Variants in SECISBP2L observed in about 807,000 individuals in gnomAD.
The protein encoded by SECISBP2L is selenocysteine insertion sequence-binding protein 2-like.
In SECISBP2L, 43 loss-of-function variants were observed where a neutral mutation model predicts 114.7. The ratio of observed to expected loss-of-function variants is 0.38; its 90% CI spans 0.29 to 0.48. The LOEUF (loss-of-function observed/expected upper bound fraction) is 0.48. Among genes scored for constraint, SECISBP2L ranks in the 20% least tolerant of loss-of-function variants. The probability of loss-of-function intolerance (pLI) is 0.98; values close to 1 mark genes in which losing one functional copy is unlikely to be tolerated. For synonymous variants in SECISBP2L, 451 were observed against 439.7 expected (o/e 1.03, Z -0.32); for missense variants, 1,136 against 1,301.1 (o/e 0.87, Z 1.95).
intron 2 of SECISBP2L, 52 bp downstream of exon 2, chr15:49,037,539 C>T (rs1192022131): frequency 6.5e-6 from 10 of 1,529,632 alleles, no homozygotes; most frequent in Non-Finnish European, 8.9e-6. Context: ...GTGCACTTTG[C>T]CAGCTTTTAT....
intron 4 of SECISBP2L, among the ~76,000 whole-genome samples, chr15:49,029,073 C>CA: frequency 6.6e-6 from 1 of 152,280 alleles, no homozygotes; most frequent in South Asian, 2.1e-4. Flanking sequence ...AGGCTGGTCT[C>CA]AAACTCCTGA....
chr15:49,030,408 G>A (rs949401851), intron 4 of SECISBP2L, among the ~76,000 whole-genome samples: 3 of 152,180 alleles, frequency 2.0e-5, no homozygotes, highest in Non-Finnish European at 2.9e-5. Context: ...TGAGATGACT[G>A]CGTCCAAAGA....
At chr15:49,014,957 G>T (rs1026797950) in intron 11 of SECISBP2L, among the ~76,000 whole-genome samples, 1 of 151,556 alleles carries the variant, frequency 6.6e-6, no homozygotes, top group Non-Finnish European at 1.5e-5. Context: ...AATTGAAGTT[G>T]TAACAATAAG....
chr15:49,035,197 C>T, intron 3 of SECISBP2L, 137 bp downstream of exon 3: 1 of 701,890 alleles, frequency 1.4e-6, no homozygotes, highest in Non-Finnish European at 2.3e-6. Context: ...AATTACATAC[C>T]CTTTACCATT....
intron 7 of SECISBP2L, among the ~76,000 whole-genome samples, chr15:49,025,831 C>T (rs8026097): frequency 0.74 from 111,873 of 152,032 alleles, 41,554 homozygotes; most frequent in Middle Eastern, 0.78. Context: ...TATAAAGTTT[C>T]CTCAAAAACT....
chr15:49,036,035 C>T (rs1285059996), intron 2 of SECISBP2L, among the ~76,000 whole-genome samples: 1 of 152,184 alleles, frequency 6.6e-6, no homozygotes, highest in East Asian at 1.9e-4. Flanking sequence ...ACCGTGACAG[C>T]CTTCTGTAAA....
chr15:49,008,224 T>G (rs1902363452), intron 14 of SECISBP2L, among the ~76,000 whole-genome samples: 1 of 152,218 alleles, frequency 6.6e-6, no homozygotes. Flanking sequence ...GTGCCTGTTC[T>G]TCTTTAGTGC....
At chr15:49,041,029 T>G (rs1044877083) in intron 1 of SECISBP2L, among the ~76,000 whole-genome samples, 1 of 152,152 alleles carries the variant, frequency 6.6e-6, no homozygotes, top group South Asian at 2.1e-4. Context: ...CAGTTTGAAT[T>G]TCTGTGTTTA....
In SECISBP2L at chr15:49,046,382, C is replaced by A; in HGVS notation, c.-83G>T. 7.3e-7 allele frequency: 1 copy of A among 1,366,008 alleles called. No homozygotes were observed. Among genetic ancestry groups the A allele is most frequent in the Non-Finnish European group, 9.6e-7 (1 of 1,044,416 alleles). 84.6% of individuals were successfully genotyped at this position (1,366,008 alleles called of 1,614,324 possible). A position where few individuals can be genotyped will look rare whatever the true frequency, so the allele number is the denominator to read the frequency against. On this transcript the variant is annotated 5_prime_UTR_variant, in exon 1 of 18. Transcript: ENST00000559471. ...TTTCTCCATGGCCCCCCGCTCGGGT[C>A]CAGACTGGGTTCCGGACCTCCGCCC...
intron 14 of SECISBP2L, among the ~76,000 whole-genome samples, chr15:49,001,423 A>T (rs1902205918): frequency 6.6e-6 from 1 of 151,812 alleles, no homozygotes; most frequent in African/African-American, 2.4e-5. Flanking sequence ...TATCTGATAA[A>T]TTAACAAATA....
chr15:48,997,989 G>A (rs1902129288), intron 16 of SECISBP2L, among the ~76,000 whole-genome samples: 1 of 152,178 alleles, frequency 6.6e-6, no homozygotes, highest in Admixed American at 6.5e-5. Flanking sequence ...CAATCTATAT[G>A]ACTTTTAGTT....
At chr15:49,017,136 A>G in intron 9 of SECISBP2L, 121 bp from the exon 10 acceptor site, 1 of 954,302 alleles carries the variant, frequency 1.0e-6, no homozygotes, top group Non-Finnish European at 1.5e-6. Context: ...AAAGAATTCA[A>G]TGTCATAAAG....
rs375217888 is a variant in SECISBP2L, at chr15:48,992,870, C to T, written c.2680G>A (p.Glu894Lys). ...TSDGLEASEN[E>K]KEVSCKHSTS... is the part of the protein sequence containing the mutation. ...CTGTGCTTACAGGATACCTCTTTCT[C>T]ATTTTCTGATGCTTCCAGTCCATCT... Residue 894 changes from glutamate (E) to lysine (K), a missense_variant, in exon 18 of 18, where the codon GAG becomes AAG. Physicochemically the swap from Glu to Lys is moderately conservative, Grantham distance 56. Around this residue, in one of 2 missense-constraint regions of SECISBP2L, gnomAD observed 684 missense variants for 848.7 expected, o/e 0.81. Coordinates refer to ENST00000559471, the MANE Select transcript of SECISBP2L (RefSeq NM_001193489.2). 2 of 1,614,150 alleles carry T rather than the reference C, an allele frequency of 1.2e-6. No homozygotes were observed. The highest frequency in any genetic ancestry group is 8.5e-7 in the Non-Finnish European group (1 of 1,180,022).
chr15:49,035,731 C>T lies in SECISBP2L; in HGVS notation c.204-73G>A, dbSNP rs1595796294. On this transcript the variant is annotated intron_variant, in intron 2 of 17. Transcript: ENST00000559471. ...ATACCACTAAAGCAAAATCTCTTAA[C>T]TTACACTAATAAAAGACAAAACAGA... 8.9e-6 allele frequency: 12 copies of T among 1,352,342 alleles called. No homozygotes were observed. In the East Asian group the frequency reaches 2.8e-4, roughly 32 times the overall value. The allele number at this position is 1,352,342 out of a possible 1,614,324, so 83.8% of individuals were successfully genotyped here.
chr15:49,030,916 T>C (rs1342519960), intron 4 of SECISBP2L, among the ~76,000 whole-genome samples: 1 of 152,174 alleles, frequency 6.6e-6, no homozygotes, highest in Admixed American at 6.5e-5. Flanking sequence ...CAGGGATGTC[T>C]TGGGTCTTCT....
rs951523949 is a variant in SECISBP2L, at chr15:48,989,711, G to GA, written c.*2532dup. ...GTAAAACCACCTCTACACATTAAGA[G>GA]AAAAAATCACTATGTTTTTTATTTC... On this transcript the variant is annotated 3_prime_UTR_variant, in exon 18 of 18. Transcript: ENST00000559471. The GA allele has an allele frequency of 3.9e-5, 6 of 152,056 alleles. No individual in the cohort carries two copies. Among genetic ancestry groups the GA allele is most frequent in the Non-Finnish European group, 5.9e-5 (4 of 67,976 alleles). The allele number at this position is 152,056 out of a possible 1,614,324, so 9.4% of individuals were successfully genotyped here.
intron 1 of SECISBP2L, among the ~76,000 whole-genome samples, chr15:49,045,711 A>G (rs1239518255): frequency 6.6e-6 from 1 of 152,206 alleles, no homozygotes; most frequent in Admixed American, 6.5e-5. Context: ...ACTAATTACA[A>G]TTCTTTGCAA....
rs1237299137 is a variant in SECISBP2L, at chr15:49,001,093, A to G, written c.2032T>C (p.Cys678Arg). The G allele has an allele frequency of 1.3e-6, 2 of 1,590,792 alleles. No individual in the cohort carries two copies. Among genetic ancestry groups the G allele is most frequent in the Non-Finnish European group, 1.7e-6 (2 of 1,171,750 alleles). Residue 678 changes from cysteine (C) to arginine (R), a missense_variant, in exon 15 of 18, where the codon TGT becomes CGT. Physicochemically the swap from Cys to Arg is radical, Grantham distance 180 (BLOSUM62 -3). Around this residue, in one of 2 missense-constraint regions of SECISBP2L, gnomAD observed 684 missense variants for 848.7 expected, o/e 0.81. Coordinates refer to ENST00000559471, the MANE Select transcript of SECISBP2L (RefSeq NM_001193489.2). The stretch of plus-strand genomic sequence containing the variant: ...ATCTCTTTACAAAGAACCTGATTAC[A>G]ATACCTGTAAAAAAAAACCAAAATG... The part of the protein sequence containing the change: ...KIHSKRFREY[C>R]NQVLCKEIDE...
intron 1 of SECISBP2L, among the ~76,000 whole-genome samples, chr15:49,040,685 A>G (rs1201089126): frequency 1.9e-3 from 281 of 149,982 alleles, no homozygotes; most frequent in Middle Eastern, 6.8e-3. Context: ...ACAGGCGCCC[A>G]CCATCACGCC....
Sources: allele counts gnomAD v4.1 joint callset (sites outside exome capture counted in the v4.1 genomes callset), GRCh38; gene constraint gnomAD v4.1.1; regional missense constraint gnomAD v4.1.1; transcripts MANE v1.5; gene names NCBI Gene and HGNC (gene_info 2026-07-23, HGNC 2026-07-21).